LGALS2: variants seen among roughly 807,000 people sequenced by gnomAD.
LGALS2 encodes the protein galectin 2, also known as galectin-2.
Under a neutral mutation model 10.1 loss-of-function variants are expected in LGALS2, and 7 were observed. The ratio of observed to expected loss-of-function variants is 0.70; its 90% CI spans 0.40 to 1.31. LGALS2 has a LOEUF of 1.31. LGALS2 is among the 50% of genes most tolerant of loss of function. LGALS2 has a pLI of 0.01. For synonymous variants in LGALS2, 86 were observed against 64.2 expected (o/e 1.34, Z -1.63); for missense variants, 167 against 163.6 (o/e 1.02, Z -0.11).
chr22:37,574,639 G>A (rs1358315643), intron 1 of LGALS2, among the ~76,000 whole-genome samples: 8 of 152,144 alleles, frequency 5.3e-5, no homozygotes, highest in Admixed American at 2.0e-4. Flanking sequence ...TACATTGTGG[G>A]AGTTCTGCTC....
chr22:37,570,771 T>C (rs1925475107), intron 2 of LGALS2, 36 bp from the exon 3 acceptor site: 1 of 1,613,434 alleles, frequency 6.2e-7, no homozygotes, highest in Non-Finnish European at 8.5e-7. Flanking sequence ...GGTTCAGGGC[T>C]CAGGCCTGGA....
chr22:37,570,490 C>T (rs1925459726), intron 3 of LGALS2, 78 bp from the exon 4 acceptor site: 1 of 1,605,900 alleles, frequency 6.2e-7, no homozygotes, highest in East Asian at 2.2e-5. Context: ...TCAAACAAGG[C>T]CAGCACCTGT....
Position 37,579,942 on chromosome 22 carries a change from G to A in LGALS2, c.-37C>T, listed in dbSNP as rs1925800968. 1.2e-6 allele frequency: 2 copies of A among 1,610,942 alleles called. No homozygotes were observed. The highest frequency in any genetic ancestry group is 2.7e-5 in the African/African-American group (2 of 74,978). On this transcript the variant is annotated 5_prime_UTR_variant, in exon 1 of 4. Transcript: ENST00000215886. ...CTGGCGGCAGCTCCCAGCGGCTCCT[G>A]GAGGCCTGTGCTCAGGGTCTCAACT...
At chr22:37,572,095 C>A (rs934699038) in intron 1 of LGALS2, among the ~76,000 whole-genome samples, 164 bp from the exon 2 acceptor site, 1 of 152,208 alleles carries the variant, frequency 6.6e-6, no homozygotes, top group South Asian at 2.1e-4. Flanking sequence ...AGAGCCAGAG[C>A]GCTCTGATCA....
chr22:37,572,669 A>T (rs1295053240), intron 1 of LGALS2, among the ~76,000 whole-genome samples: 1 of 151,804 alleles, frequency 6.6e-6, no homozygotes, highest in East Asian at 1.9e-4. Flanking sequence ...CGGGAGGCTG[A>T]GGCAGGAGAA....
intron 1 of LGALS2, among the ~76,000 whole-genome samples, chr22:37,576,255 A>G (rs1925669816): frequency 6.6e-6 from 1 of 151,990 alleles, no homozygotes; most frequent in South Asian, 2.1e-4. Flanking sequence ...GAGTGAGATC[A>G]TCCTGGCTAA....
chr22:37,573,357 C>T (rs974373264), intron 1 of LGALS2, among the ~76,000 whole-genome samples: 18 of 152,236 alleles, frequency 1.2e-4, no homozygotes, highest in Admixed American at 1.2e-3. Context: ...CTCCAAGCCT[C>T]ACTTTCCCCT....
intron 1 of LGALS2, among the ~76,000 whole-genome samples, chr22:37,574,140 G>A (rs1925592473): frequency 6.6e-6 from 1 of 152,196 alleles, no homozygotes. Flanking sequence ...TAGGAAAGCA[G>A]CACCTGAATT....
rs748733139 is a variant in LGALS2 at position 37,570,260 on chromosome 22, CTT to C, written c.*1_*2del. Reference sequence around the variant, plus strand: ...AGGACAGAGAATCTCGGCTGGAAGTCTTTTATTCTTTTAACTTGAAAGAGGAC... The same window carrying C: ...AGGACAGAGAATCTCGGCTGGAAGTCTTATTCTTTTAACTTGAAAGAGGAC... On this transcript the variant is annotated 3_prime_UTR_variant, in exon 4 of 4. Transcript: ENST00000215886. 3.7e-6 allele frequency: 6 copies of C among 1,601,100 alleles called. No homozygotes were observed. The highest frequency in any genetic ancestry group is 4.5e-5 in the East Asian group (2 of 44,500).
chr22:37,576,839 G>A (rs978826999), intron 1 of LGALS2, among the ~76,000 whole-genome samples: 2 of 152,212 alleles, frequency 1.3e-5, no homozygotes, highest in Admixed American at 6.5e-5. Flanking sequence ...AGAAGCACTC[G>A]GAAGTCCAGG....
At chr22:37,576,162 T>G (rs978977890) in intron 1 of LGALS2, among the ~76,000 whole-genome samples, 1 of 151,960 alleles carries the variant, frequency 6.6e-6, no homozygotes, top group Non-Finnish European at 1.5e-5. Context: ...TTAAAATCAG[T>G]CTCTTGCTGG....
intron 1 of LGALS2, among the ~76,000 whole-genome samples, chr22:37,573,062 T>C (rs1052793020): frequency 6.6e-6 from 1 of 151,236 alleles, no homozygotes; most frequent in Non-Finnish European, 1.5e-5. Flanking sequence ...TCACCTGAGG[T>C]CAGGAGTTTA....
rs540006281 is a variant in LGALS2, at chr22:37,576,228, G to A, written c.6+3672C>T. ...AGCACTTTGGGAGGCCGAGGGGGGC[G>A]GATCACGAGGTCAGGAGAGTGAGAT... is the stretch of plus-strand genomic sequence containing the variant. On this transcript the variant is annotated intron_variant, in intron 1 of 3. Coordinates refer to ENST00000215886, the MANE Select transcript of LGALS2 (RefSeq NM_006498.3). Among the ~76,000 whole-genome samples, 853 of 152,114 alleles carry A rather than the reference G, an allele frequency of 5.6e-3. 2 individuals carry two copies. Among genetic ancestry groups the A allele is most frequent in the Non-Finnish European group, 9.7e-3 (662 of 67,994 alleles).
intron 1 of LGALS2, among the ~76,000 whole-genome samples, chr22:37,575,727 T>A (rs983885772): frequency 6.6e-6 from 1 of 152,056 alleles, no homozygotes; most frequent in African/African-American, 2.4e-5. Context: ...AGTGTTGGGA[T>A]TACAGGTGTA....
chr22:37,576,357 C>G (rs1925675059), intron 1 of LGALS2, among the ~76,000 whole-genome samples: 1 of 149,174 alleles, frequency 6.7e-6, no homozygotes, highest in Admixed American at 6.8e-5. Context: ...GAGGCTGAGG[C>G]AGGAGAATGG....
At chr22:37,571,800 C>T (rs1569181627) in intron 2 of LGALS2, 49 bp downstream of exon 2, 2 of 1,501,730 alleles carry the variant, frequency 1.3e-6, no homozygotes, top group Non-Finnish European at 1.9e-6. Flanking sequence ...CCCACCCGCC[C>T]TGCCTATTCC....
Position 37,579,900 on chromosome 22 carries a change from C to A in LGALS2, c.6G>T (p.Thr2=), listed in dbSNP as rs373550705. ...GGCAGCAGGGGGCTAGTGTCCTCAC[C>A]GTCATGGTGACAGCTCCTGGCGGCA... M[T]GELEVKNMDM... is the part of the protein sequence containing the mutation. The change falls in exon 1 of 4, where the codon ACG becomes ACT. Residue 2 remains threonine (T), a splice_region_variant and synonymous_variant. Coordinates refer to ENST00000215886, the MANE Select transcript of LGALS2 (RefSeq NM_006498.3). 1.9e-6 allele frequency: 3 copies of A among 1,610,586 alleles called. No homozygotes were observed. The highest frequency in any genetic ancestry group is 2.7e-5 in the African/African-American group (2 of 74,904).
chr22:37,577,007 G>T (rs1393519317), intron 1 of LGALS2, among the ~76,000 whole-genome samples: 1 of 151,894 alleles, frequency 6.6e-6, no homozygotes, highest in Non-Finnish European at 1.5e-5. Flanking sequence ...GTGGGGAGTT[G>T]GGGGCCCAGA....
chr22:37,571,419 C>T (rs1925494732), intron 2 of LGALS2, among the ~76,000 whole-genome samples: 1 of 152,202 alleles, frequency 6.6e-6, no homozygotes, highest in Non-Finnish European at 1.5e-5. Context: ...TGGTTCTAAC[C>T]AAGAGGATGC....
Sources: gnomAD v4.1 joint callset for allele counts (sites outside exome capture counted in the v4.1 genomes callset) on GRCh38, gnomAD v4.1.1 for gene constraint, MANE v1.5 for transcripts, NCBI Gene and HGNC (gene_info 2026-07-23, HGNC 2026-07-21) for gene names.